Variants in SLC6A16 observed in about 807,000 individuals in gnomAD.
SLC6A16 encodes the protein solute carrier family 6 member 16, also known as orphan sodium- and chloride-dependent neurotransmitter transporter NTT5.
SLC6A16 carries 54 observed loss-of-function variants against 65.4 expected under a neutral mutation model. The observed-to-expected ratio is 0.83, with a 90% CI of 0.66 to 1.04. SLC6A16 has a LOEUF of 1.04. Ranked by LOEUF, SLC6A16 falls within the 50% of genes least tolerant of loss-of-function variation. SLC6A16 has a pLI of 0.00. For missense variants in SLC6A16, 816 were observed against 914.0 expected (o/e 0.89, Z 1.38); for synonymous variants, 330 against 346.5 (o/e 0.95, Z 0.53).
intron 7 of SLC6A16, among the ~76,000 whole-genome samples, chr19:49,296,801 C>T (rs778106744): frequency 6.6e-6 from 1 of 152,082 alleles, no homozygotes; most frequent in African/African-American, 2.4e-5. Context: ...CCAGCCTGGC[C>T]AACATGGTGA....
intron 1 of SLC6A16, among the ~76,000 whole-genome samples, chr19:49,313,093 A>AAAAAAAAAAAAAAC (rs1970554384): frequency 6.7e-6 from 1 of 148,666 alleles, no homozygotes; most frequent in African/African-American, 2.5e-5. Context: ...AAAAAAAAAA[A>AAAAAAAAAAAAAAC]AAGACGATGA....
the SLC6A16 span, chr19:49,339,078 AG>A: frequency 2.7e-6 from 2 of 741,558 alleles, no homozygotes; most frequent in Non-Finnish European, 4.5e-6. This position sits in a 1 kb window ranked among gnomAD's most constrained non-coding sequence, Gnocchi z 4.5. Flanking sequence ...GGCCCTCTGA[AG>A]GGGGCGGGGT....
chr19:49,316,801 C>A (rs1467612020), intron 1 of SLC6A16, among the ~76,000 whole-genome samples: 1 of 150,196 alleles, frequency 6.7e-6, no homozygotes, highest in Non-Finnish European at 1.5e-5. Context: ...AGGAGGATCA[C>A]TTGAGGCCAG....
chr19:49,333,054 C>T, the SLC6A16 span, among the ~76,000 whole-genome samples: 2 of 150,964 alleles, frequency 1.3e-5, no homozygotes, highest in Non-Finnish European at 3.0e-5. Flanking sequence ...CCCAGCTACT[C>T]TGGAGGCTGA....
In SLC6A16 at chr19:49,297,553, C is replaced by T. The variant is rs79733837; in HGVS notation, c.1230-3000G>A. On this transcript the variant is annotated intron_variant, in intron 7 of 11. Coordinates refer to ENST00000335875, the MANE Select transcript of SLC6A16 (RefSeq NM_014037.3). ...TATGAAATTAAACATACCGTTACCACGTAACCCAGTGACCCAATGATCCTT... is the reference window on the plus strand; with the variant it reads ...TATGAAATTAAACATACCGTTACCATGTAACCCAGTGACCCAATGATCCTT... Among the ~76,000 whole-genome samples the T allele has an allele frequency of 6.9e-3, 1,052 of 152,284 alleles. 14 individuals carry two copies. Among genetic ancestry groups the T allele is most frequent in the African/African-American group, 0.024 (998 of 41,546 alleles).
chr19:49,339,429 C>G, the SLC6A16 span: 155 of 1,610,216 alleles, frequency 9.6e-5, no homozygotes, highest in African/African-American at 2.0e-3. This position sits in a 1 kb window ranked among gnomAD's most constrained non-coding sequence, Gnocchi z 4.5. Flanking sequence ...CTGGCCCCGC[C>G]CCCACCCGCG....
At chr19:49,338,763 G>T in the SLC6A16 span, 1 of 1,613,624 alleles carries the variant, frequency 6.2e-7, no homozygotes. This position sits in a 1 kb window ranked among gnomAD's most constrained non-coding sequence, Gnocchi z 5.0. Context: ...GAGAGGTAAC[G>T]GGTCGGAGGC....
Position 49,290,207 on chromosome 19 carries a change from T to C in SLC6A16, c.2127A>G (p.Leu709=). 6.2e-7 allele frequency: 1 copy of C among 1,614,148 alleles called. No individual in the cohort carries two copies. Among genetic ancestry groups the C allele is most frequent in the Middle Eastern group, 1.6e-4 (1 of 6,062 alleles). The part of the protein sequence containing the change: ...ASTSLPLSHQ[L]TPSKEVQKEE... ...CCTTTTGAACCTCTTTACTGGGTGT[T>C]AGCTGGTGACTTAGGGGTAGGGATG... The change falls in exon 12 of 12, where the codon CTA becomes CTG. Residue 709 remains leucine, a synonymous_variant. Coordinates refer to ENST00000335875, the MANE Select transcript of SLC6A16 (RefSeq NM_014037.3).
chr19:49,336,894 C>G, the SLC6A16 span: 1 of 1,613,528 alleles, frequency 6.2e-7, no homozygotes, highest in Non-Finnish European at 8.5e-7. Context: ...TCATCACTCC[C>G]CTCACCTCTC....
At chr19:49,308,319 G>A (rs1315922566) in intron 7 of SLC6A16, among the ~76,000 whole-genome samples, 1 of 152,162 alleles carries the variant, frequency 6.6e-6, no homozygotes, top group African/African-American at 2.4e-5. Flanking sequence ...CGGGCCTGGT[G>A]ATGGGCACCT....
At chr19:49,296,357 A>T (rs183013450) in intron 7 of SLC6A16, among the ~76,000 whole-genome samples, 3 of 152,336 alleles carry the variant, frequency 2.0e-5, no homozygotes, top group Admixed American at 2.0e-4. Flanking sequence ...TGGAAAAAAA[A>T]TAGCACAGTT....
chr19:49,293,365 T>A lies in SLC6A16; in HGVS notation c.1636A>T (p.Met546Leu). The change falls in exon 10 of 12, where the codon ATG (methionine) becomes TTG (leucine). Residue 546 changes from methionine (M) to leucine (L), a missense_variant. By Grantham distance (15) the Met-to-Leu change is conservative. Transcript: ENST00000335875. ...KLLIVGVFLL[M>L]FVCGLFFTRP... ...GTGAAGAAGAGGCCGCACACGAACA[T>A]GAGCAAAAAGACTCCCACTGGAGAA... 1 of 1,613,958 alleles carries A rather than the reference T, an allele frequency of 6.2e-7. No individual in the cohort carries two copies. The highest frequency in any genetic ancestry group is 8.5e-7 in the Non-Finnish European group (1 of 1,179,996).
intron 2 of SLC6A16, 92 bp from the exon 3 acceptor site, chr19:49,310,602 G>C (rs150018236): frequency 7.1e-7 from 1 of 1,412,108 alleles, no homozygotes; most frequent in East Asian, 2.3e-5. Flanking sequence ...CCCTACCAGC[G>C]ACCTCTTCCA....
the SLC6A16 span, chr19:49,339,644 C>T: frequency 7.0e-7 from 1 of 1,430,444 alleles, no homozygotes; most frequent in South Asian, 1.5e-5. The surrounding 1 kb of genome is among the most constrained non-coding windows in gnomAD (Gnocchi z 4.5). Context: ...GATCTCCCTC[C>T]CCTTTCTCCG....
intron 7 of SLC6A16, among the ~76,000 whole-genome samples, chr19:49,307,865 C>G (rs928231379): frequency 3.3e-4 from 50 of 151,630 alleles, no homozygotes; most frequent in Non-Finnish European, 7.1e-4. Context: ...CCTCACCCAT[C>G]ACTTCAGTTA....
intron 1 of SLC6A16, among the ~76,000 whole-genome samples, chr19:49,317,012 G>A (rs969062799): frequency 3.3e-5 from 5 of 151,864 alleles, no homozygotes; most frequent in African/African-American, 1.2e-4. Context: ...ACTCCAGCCT[G>A]AGCAACAGAG....
At chr19:49,309,451 T>C in intron 5 of SLC6A16, 40 bp from the exon 6 acceptor site, 1 of 1,499,064 alleles carries the variant, frequency 6.7e-7, no homozygotes, top group South Asian at 1.1e-5. Flanking sequence ...CGTGTACCAG[T>C]AGGGGTCAAC....
chr19:49,339,663 T>G, the SLC6A16 span: 2 of 1,427,794 alleles, frequency 1.4e-6, no homozygotes, highest in Non-Finnish European at 1.8e-6. This position sits in a 1 kb window ranked among gnomAD's most constrained non-coding sequence, Gnocchi z 4.5. Flanking sequence ...CGCAGATGAC[T>G]GTCATGGTGC....
intron 9 of SLC6A16, 108 bp from the exon 10 acceptor site, chr19:49,293,490 C>T (rs1970120429): frequency 9.5e-6 from 10 of 1,056,600 alleles, no homozygotes; most frequent in African/African-American, 3.2e-5. Context: ...GGTAGCCGGG[C>T]GAGGGGGCTT....
Sources: gnomAD v4.1 joint callset for allele counts (sites outside exome capture counted in the v4.1 genomes callset) on GRCh38, gnomAD v4.1.1 for gene constraint, Gnocchi (gnomAD v3.1) non-coding constraint, MANE v1.5 for transcripts, NCBI Gene and HGNC (gene_info 2026-07-23, HGNC 2026-07-21) for gene names.